MYO16: variants seen among roughly 807,000 people sequenced by gnomAD.
The protein encoded by MYO16 is unconventional myosin-XVI.
MYO16 carries 94 observed loss-of-function variants against 205.3 expected under a neutral mutation model. That is an observed-to-expected ratio of 0.46 (90% CI 0.39 to 0.54). The LOEUF (loss-of-function observed/expected upper bound fraction) is 0.54, where lower values mean the gene tolerates loss of function less well. Ranked by LOEUF, MYO16 falls within the 20% of genes least tolerant of loss-of-function variation. The pLI, the probability that MYO16 is intolerant of heterozygous loss-of-function variation, is 0.00. For synonymous variants in MYO16, 988 were observed against 954.0 expected (o/e 1.04, Z -0.66); for missense variants, 2,315 against 2,387.5 (o/e 0.97, Z 0.63).
intron 27 of MYO16, among the ~76,000 whole-genome samples, chr13:109,087,654 G>A (rs1407341810): frequency 3.9e-5 from 6 of 151,906 alleles, no homozygotes; most frequent in East Asian, 3.9e-4. Context: ...TCAAACAAAC[G>A]AACTAAAAAC....
At chr13:108,777,094 G>A (rs1469423554) in intron 4 of MYO16, among the ~76,000 whole-genome samples, 1 of 152,044 alleles carries the variant, frequency 6.6e-6, no homozygotes, top group Non-Finnish European at 1.5e-5. Flanking sequence ...CTTATAATTA[G>A]TATAGCCTGC....
the MYO16 span, among the ~76,000 whole-genome samples, chr13:108,583,687 T>C: frequency 2.0e-5 from 3 of 152,216 alleles, no homozygotes; most frequent in African/African-American, 4.8e-5. Context: ...AATAATTTGC[T>C]CATTTTTGAA....
At chr13:108,662,810 A>T (rs1291900965) in intron 1 of MYO16, among the ~76,000 whole-genome samples, 1 of 152,106 alleles carries the variant, frequency 6.6e-6, no homozygotes, top group Non-Finnish European at 1.5e-5. Flanking sequence ...TCCTGTTAAA[A>T]AATGTTACAA....
At chr13:109,170,318 C>A (rs1349584721) in intron 33 of MYO16, among the ~76,000 whole-genome samples, 3 of 152,064 alleles carry the variant, frequency 2.0e-5, no homozygotes, top group Non-Finnish European at 2.9e-5. Flanking sequence ...AGAAATGTAA[C>A]TGAAGACTCC....
At chr13:108,517,439 G>A in the MYO16 span, among the ~76,000 whole-genome samples, 4 of 152,266 alleles carry the variant, frequency 2.6e-5, no homozygotes, top group East Asian at 1.9e-4. Context: ...AGAGTTGTAC[G>A]CCCTGCTGGT....
chr13:108,755,759 T>C (rs1885403775), intron 4 of MYO16, among the ~76,000 whole-genome samples: 1 of 152,222 alleles, frequency 6.6e-6, no homozygotes, highest in Admixed American at 6.5e-5. Context: ...CTTAAGTTAC[T>C]ATGTGAAGTG....
intron 12 of MYO16, among the ~76,000 whole-genome samples, chr13:108,879,755 C>G (rs1317941047): frequency 3.3e-5 from 5 of 152,158 alleles, no homozygotes; most frequent in Admixed American, 1.3e-4. Flanking sequence ...TTAATTCAGT[C>G]TATCATTGAT....
the MYO16 span, among the ~76,000 whole-genome samples, chr13:108,517,270 C>T: frequency 3.5e-4 from 54 of 152,226 alleles, 1 homozygote; most frequent in Non-Finnish European, 1.5e-4. Flanking sequence ...TCCTGGAATG[C>T]CCCCTGGATA....
chr13:109,106,683 T>C (rs932018405), intron 28 of MYO16, among the ~76,000 whole-genome samples: 2 of 152,188 alleles, frequency 1.3e-5, no homozygotes, highest in African/African-American at 2.4e-5. Flanking sequence ...AGTCGGTCCA[T>C]GTGATACCAG....
rs953889713 is a variant in MYO16 at position 109,031,528 on chromosome 13, A to G, written c.2796+11617A>G. 5.3e-5 allele frequency among the ~76,000 whole-genome samples: 8 copies of G among 152,338 alleles called. No homozygotes were observed. In the East Asian group the frequency reaches 1.5e-3, roughly 29 times the overall value. Reference sequence around the variant, plus strand: ...TGGATGCTCTACTTACCAGTTGGGCATAAATGATACCTTTTAAACATTTCT... The same window carrying G: ...TGGATGCTCTACTTACCAGTTGGGCGTAAATGATACCTTTTAAACATTTCT... On this transcript the variant is annotated intron_variant, in intron 23 of 34. Transcript: ENST00000457511.
chr13:108,760,239 G>C (rs1457282195), intron 4 of MYO16, among the ~76,000 whole-genome samples: 2 of 152,144 alleles, frequency 1.3e-5, no homozygotes, highest in Non-Finnish European at 2.9e-5. Context: ...AGCAATTTAG[G>C]CTGGACCTAT....
the MYO16 span, among the ~76,000 whole-genome samples, chr13:108,569,705 A>T: frequency 0.016 from 2,488 of 152,226 alleles, 58 homozygotes; most frequent in South Asian, 0.087. Context: ...GTAAAAGCAG[A>T]TGTCCTTATC....
rs1319455253 is a variant in MYO16, at chr13:108,705,197, T to C, written c.293-7464T>C. 3.9e-5 allele frequency among the ~76,000 whole-genome samples: 6 copies of C among 152,298 alleles called. No individual in the cohort carries two copies. The East Asian group carries it at 1.2e-3, about 29-fold the overall frequency. On this transcript the variant is annotated intron_variant, in intron 2 of 34. Transcript: ENST00000457511. Reference sequence around the variant, plus strand: ...ATCTCACTCCATTCCATCTGGGACATGAATCAACTCTTTGTCCAGCATATA... The same window carrying C: ...ATCTCACTCCATTCCATCTGGGACACGAATCAACTCTTTGTCCAGCATATA...
At chr13:108,684,549 T>C (rs1204361908) in intron 2 of MYO16, among the ~76,000 whole-genome samples, 1 of 152,212 alleles carries the variant, frequency 6.6e-6, no homozygotes, top group Admixed American at 6.5e-5. Flanking sequence ...AGAGTTCCTA[T>C]CTGAGGCAGA....
At chr13:108,860,930 T>C (rs1878422047) in intron 11 of MYO16, among the ~76,000 whole-genome samples, 1 of 152,180 alleles carries the variant, frequency 6.6e-6, no homozygotes. Flanking sequence ...TCTAGCTCAA[T>C]TTTTCTTCTC....
intron 30 of MYO16, among the ~76,000 whole-genome samples, chr13:109,126,886 TAA>T (rs1157380702): frequency 6.6e-6 from 1 of 152,144 alleles, no homozygotes; most frequent in East Asian, 1.9e-4. Context: ...AACTCTCTAT[TAA>T]GATGGATTTG....
At chr13:108,579,127 C>T in the MYO16 span, among the ~76,000 whole-genome samples, 3 of 152,130 alleles carry the variant, frequency 2.0e-5, no homozygotes, top group Non-Finnish European at 4.4e-5. Flanking sequence ...TCAAAGGCTG[C>T]TTGGCCTCTT....
At chr13:108,805,925 A>AAAATACATAAATAAATAAAT (rs1555300625) in intron 6 of MYO16, among the ~76,000 whole-genome samples, 1 of 137,028 alleles carries the variant, frequency 7.3e-6, no homozygotes, top group Non-Finnish European at 1.6e-5. Flanking sequence ...AGTCTCTACC[A>AAAATACATAAATAAATAAAT]AAATAAATAA....
the MYO16 span, among the ~76,000 whole-genome samples, chr13:108,504,213 C>T: frequency 6.6e-5 from 10 of 152,206 alleles, no homozygotes; most frequent in East Asian, 3.9e-4. Flanking sequence ...CCTTCGCCTC[C>T]GGGGTTTAAG....
Sources: gnomAD v4.1 joint callset for allele counts (sites outside exome capture counted in the v4.1 genomes callset) on GRCh38, gnomAD v4.1.1 for gene constraint, MANE v1.5 for transcripts, NCBI Gene and HGNC (gene_info 2026-07-23, HGNC 2026-07-21) for gene names.